USP40: variants seen among roughly 807,000 people sequenced by gnomAD.
USP40 encodes the protein ubiquitin specific peptidase 40.
Under a neutral mutation model 166.2 loss-of-function variants are expected in USP40, and 143 were observed. The ratio of observed to expected loss-of-function variants is 0.86; its 90% CI spans 0.75 to 0.99. The LOEUF is 0.99. Among genes scored for constraint, USP40 ranks in the 50% least tolerant of loss-of-function variants. USP40 has a pLI of 0.00. For synonymous variants in USP40, 498 were observed against 524.0 expected, an observed-to-expected ratio of 0.95 and a Z score of 0.68; for missense variants, 1,444 against 1,479.7, an observed-to-expected ratio of 0.98 and a Z score of 0.40.
At chr2:233,482,346 A>G (rs2064666536) in intron 30 of USP40, among the ~76,000 whole-genome samples, 1 of 151,426 alleles carries the variant, frequency 6.6e-6, no homozygotes, top group Non-Finnish European at 1.5e-5. Context: ...CCTGGGTGAC[A>G]GAGTGAGACT....
chr2:233,485,248 T>A (rs1048748397), intron 30 of USP40, among the ~76,000 whole-genome samples: 5 of 152,236 alleles, frequency 3.3e-5, no homozygotes, highest in Non-Finnish European at 5.9e-5. Flanking sequence ...AAAAACATAC[T>A]TGCTGGGCTG....
chr2:233,483,395 G>A (rs1430588409), intron 30 of USP40, among the ~76,000 whole-genome samples: 8 of 152,176 alleles, frequency 5.3e-5, no homozygotes, highest in African/African-American at 9.7e-5. Context: ...GGAGGCTAAC[G>A]TGGGAGGATC....
chr2:233,489,380 T>C lies in USP40; in HGVS notation c.3116A>G (p.Asp1039Gly). Residue 1039 changes from aspartate (D) to glycine (G), a missense_variant, in exon 27 of 32, where the codon GAC becomes GGC. Asp to Gly is a moderately conservative substitution (Grantham distance 94, BLOSUM62 -1). Coordinates refer to ENST00000678225, the MANE Select transcript of USP40 (RefSeq NM_001365479.2). ...AGGAACCTACCTGAGTGGCTGCCGG[T>C]CAGTTCGTAAAAGCCTGCCTGGGCG... Reference protein sequence around the residue: ...RKRPGRLLRTDRQPLREYKLG... With the variant: ...RKRPGRLLRTGRQPLREYKLG... 4 of 1,593,816 alleles carry C rather than the reference T, an allele frequency of 2.5e-6. No homozygotes were observed. The highest frequency in any genetic ancestry group is 3.4e-6 in the Non-Finnish European group (4 of 1,170,424).
intron 10 of USP40, among the ~76,000 whole-genome samples, chr2:233,535,164 A>G (rs990931817): frequency 1.2e-4 from 18 of 152,188 alleles, no homozygotes; most frequent in East Asian, 1.9e-4. Flanking sequence ...AGGAGCCCCA[A>G]TTCTGTAACA....
Position 233,554,365 on chromosome 2 carries a change from G to C in USP40, c.693+15C>G, listed in dbSNP as rs201936203. 166 of 1,590,354 alleles carry C rather than the reference G, an allele frequency of 1.0e-4. No individual in the cohort carries two copies. The highest frequency in any genetic ancestry group is 7.3e-5 in the Admixed American group (4 of 54,966). On this transcript the variant is annotated intron_variant, in intron 6 of 31. Coordinates refer to ENST00000678225, the MANE Select transcript of USP40 (RefSeq NM_001365479.2). ...AAAGTGGGGACCCTGGGAAAAAGCAGTTATCTGTCTTTACCTTTGCTGCTT... is the reference window on the plus strand; with the variant it reads ...AAAGTGGGGACCCTGGGAAAAAGCACTTATCTGTCTTTACCTTTGCTGCTT...
intron 28 of USP40, chr2:233,487,831 A>G (rs1029769305): frequency 2.5e-5 from 10 of 405,258 alleles, no homozygotes; most frequent in Non-Finnish European, 4.0e-5. Flanking sequence ...ACTAACAAAT[A>G]AATCAGTAAG....
intron 12 of USP40, 49 bp downstream of exon 12, chr2:233,529,382 C>CT: frequency 6.8e-7 from 1 of 1,469,828 alleles, no homozygotes; most frequent in Non-Finnish European, 9.2e-7. Flanking sequence ...TAAATCAGAT[C>CT]TTTATTCTCC....
At chr2:233,537,377 G>C (rs2069015592) in intron 10 of USP40, among the ~76,000 whole-genome samples, 1 of 152,062 alleles carries the variant, frequency 6.6e-6, no homozygotes, top group Non-Finnish European at 1.5e-5. Context: ...AAGAAAGAGA[G>C]ATGAGGCAGA....
intron 19 of USP40, chr2:233,512,292 T>C: frequency 4.3e-6 from 1 of 230,096 alleles, no homozygotes; most frequent in African/African-American, 2.3e-5. Flanking sequence ...AATGGAAAAA[T>C]TTTGAAAATA....
chr2:233,517,259 G>A (rs1056231555), intron 18 of USP40, among the ~76,000 whole-genome samples: 1 of 152,130 alleles, frequency 6.6e-6, no homozygotes, highest in African/African-American at 2.4e-5. Flanking sequence ...ATGGAAAACA[G>A]TGTGGAGATT....
chr2:233,479,517 C>T (rs934597735), intron 31 of USP40, among the ~76,000 whole-genome samples: 2 of 150,562 alleles, frequency 1.3e-5, no homozygotes, highest in South Asian at 2.1e-4. Flanking sequence ...GGGTTGAGAT[C>T]GTGCCACTGC....
intron 18 of USP40, among the ~76,000 whole-genome samples, chr2:233,518,521 C>G (rs1210610896): frequency 7.0e-6 from 1 of 143,484 alleles, no homozygotes; most frequent in Non-Finnish European, 1.5e-5. Flanking sequence ...GAGCGGAGAT[C>G]GTGTCACTGC....
At chr2:233,544,599 C>A (rs1309102125) in intron 8 of USP40, among the ~76,000 whole-genome samples, 1 of 152,116 alleles carries the variant, frequency 6.6e-6, no homozygotes, top group Non-Finnish European at 1.5e-5. Context: ...TGGAAAGGGG[C>A]CCATTATGAA....
intron 28 of USP40, chr2:233,487,778 A>G: frequency 2.9e-6 from 1 of 339,082 alleles, no homozygotes; most frequent in Non-Finnish European, 5.9e-6. Context: ...GGATATAGCA[A>G]TGAATAAACC....
At chr2:233,524,457 A>T in intron 15 of USP40, 35 bp downstream of exon 15, 2 of 1,581,346 alleles carry the variant, frequency 1.3e-6, no homozygotes, top group Non-Finnish European at 1.7e-6. Context: ...AACATCCAAA[A>T]TTATCACGAA....
chr2:233,562,748 T>C lies in USP40; in HGVS notation c.255A>G (p.Lys85=). 6.5e-7 allele frequency: 1 copy of C among 1,532,886 alleles called. No individual in the cohort carries two copies. Among genetic ancestry groups the C allele is most frequent in the Admixed American group, 2.0e-5 (1 of 49,958 alleles). 95.0% of individuals were successfully genotyped at this position (1,532,886 alleles called of 1,614,324 possible). The change falls in exon 3 of 32, where the codon AAA becomes AAG. Residue 85 remains lysine, a synonymous_variant. Transcript: ENST00000678225. ...ATAATAAAAATACCTTTGCATCGGG[T>C]TTATCCTTATCTTCAAACAAACCAA... The part of the protein sequence containing the change: ...EELGLFEDKD[K]PDAKVRIIPL...
intron 18 of USP40, 24 bp downstream of exon 18, chr2:233,519,590 C>A: frequency 7.1e-7 from 1 of 1,406,610 alleles, no homozygotes; most frequent in South Asian, 1.3e-5. Flanking sequence ...AACTAAGAAC[C>A]GAAAAGAAAA....
intron 12 of USP40, among the ~76,000 whole-genome samples, chr2:233,527,813 C>T (rs954243604): frequency 1.3e-5 from 2 of 151,848 alleles, no homozygotes; most frequent in African/African-American, 4.8e-5. Context: ...ATGTTAACTC[C>T]ATTTCTCTGA....
At position 233,485,631 on chromosome 2, in the gene USP40, G is replaced by A. The variant is rs373276730; in HGVS notation, c.3409-5C>T. ...CCTCTTGGTTATTTGTTGGTTCTATGGGAAAATCAAACATCTTAAATAAGC... is the reference window on the plus strand; with the variant it reads ...CCTCTTGGTTATTTGTTGGTTCTATAGGAAAATCAAACATCTTAAATAAGC... On this transcript the variant is annotated splice_polypyrimidine_tract_variant and splice_region_variant and intron_variant, in intron 29 of 31. Transcript: ENST00000678225. The A allele has an allele frequency of 5.0e-6, 8 of 1,611,372 alleles. No individual in the cohort carries two copies. The African/African-American group carries it at 5.4e-5, about 11-fold the overall frequency.
Sources: allele counts gnomAD v4.1 joint callset (sites outside exome capture counted in the v4.1 genomes callset), GRCh38; gene constraint gnomAD v4.1.1; transcripts MANE v1.5; gene names NCBI Gene and HGNC (gene_info 2026-07-23, HGNC 2026-07-21).